ZNF564: variants seen among roughly 807,000 people sequenced by gnomAD.
ZNF564 encodes the protein zinc finger protein 564.
Under a neutral mutation model 10.5 loss-of-function variants are expected in ZNF564, and 5 were observed. That is an observed-to-expected ratio of 0.48 (90% CI 0.25 to 1.00). The LOEUF (loss-of-function observed/expected upper bound fraction) is 1.00, where lower values mean the gene tolerates loss of function less well. Among genes scored for constraint, ZNF564 ranks in the 50% least tolerant of loss-of-function variants. ZNF564 has a pLI of 0.16. For missense variants in ZNF564, 603 were observed against 669.7 expected (o/e 0.90, Z 1.10); for synonymous variants, 242 against 218.1 (o/e 1.11, Z -0.97).
intron 1 of ZNF564, among the ~76,000 whole-genome samples, chr19:12,532,404 A>G (rs1056365369): frequency 5.3e-5 from 8 of 150,614 alleles, no homozygotes; most frequent in African/African-American, 7.3e-5. Flanking sequence ...GCGTGGTAGC[A>G]GGCGCCTGTA....
intron 1 of ZNF564, 62 bp downstream of exon 1, chr19:12,551,268 G>C (rs543002684): frequency 1.3e-6 from 2 of 1,568,084 alleles, no homozygotes; most frequent in East Asian, 2.3e-5. Context: ...TCCACAGCCG[G>C]TTCCGGCCGG....
chr19:12,540,652 C>A lies in ZNF564; in HGVS notation c.3+10678G>T, dbSNP rs143435840. Among the ~76,000 whole-genome samples the A allele has an allele frequency of 3.4e-3, 523 of 152,052 alleles. 1 individual carries two copies. Among genetic ancestry groups the A allele is most frequent in the East Asian group, 0.018 (95 of 5,166 alleles). The stretch of plus-strand genomic sequence containing the variant: ...GGCAGATCACAAAGTCAGGAGATCG[C>A]CACCATCCTGGCTAACATGATGAAA... On this transcript the variant is annotated intron_variant, in intron 1 of 3. Transcript: ENST00000339282.
intron 1 of ZNF564, among the ~76,000 whole-genome samples, chr19:12,546,381 C>CG (rs1370107610): frequency 2.6e-5 from 4 of 152,198 alleles, no homozygotes; most frequent in African/African-American, 4.8e-5. Flanking sequence ...CAGCATACTG[C>CG]GGGGGAAAAA....
rs2021735598 is a variant in ZNF564, at chr19:12,528,420, C to A, written c.131-56G>T. 3.8e-6 allele frequency: 6 copies of A among 1,578,648 alleles called. No homozygotes were observed. In the South Asian group the frequency reaches 5.7e-5, roughly 15 times the overall value. ...ACTGATAGACATTACAGAAAAATGA[C>A]TAGATTCTAAGTTCATGATAAGGTG... is the stretch of plus-strand genomic sequence containing the variant. On this transcript the variant is annotated intron_variant, in intron 2 of 3. Transcript: ENST00000339282.
At chr19:12,540,604 C>A (rs983585200) in intron 1 of ZNF564, among the ~76,000 whole-genome samples, 1 of 152,124 alleles carries the variant, frequency 6.6e-6, no homozygotes, top group South Asian at 2.1e-4. Flanking sequence ...CCTGTAATCC[C>A]AGCACTTTGG....
At chr19:12,535,884 G>A (rs920844232) in intron 1 of ZNF564, among the ~76,000 whole-genome samples, 1 of 151,730 alleles carries the variant, frequency 6.6e-6, no homozygotes, top group African/African-American at 2.4e-5. Flanking sequence ...GGAGTGGTGC[G>A]TGCCTGTAGT....
In ZNF564 at chr19:12,537,451, T is replaced by C. The variant is rs1452310354; in HGVS notation, c.4-8755A>G. Among the ~76,000 whole-genome samples, 9 of 152,120 alleles carry C rather than the reference T, an allele frequency of 5.9e-5. No individual in the cohort carries two copies. The South Asian group carries it at 1.4e-3, about 24-fold the overall frequency. On this transcript the variant is annotated intron_variant, in intron 1 of 3. Coordinates refer to ENST00000339282, the MANE Select transcript of ZNF564 (RefSeq NM_144976.4). ...ATTTAAAGTATATGGAAGACAATGTTTTCTAAGCCGGGCGTGGTGGCTCAC... is the reference window on the plus strand; with the variant it reads ...ATTTAAAGTATATGGAAGACAATGTCTTCTAAGCCGGGCGTGGTGGCTCAC...
intron 1 of ZNF564, among the ~76,000 whole-genome samples, chr19:12,545,960 C>G (rs1009675445): frequency 2.6e-5 from 4 of 152,152 alleles, no homozygotes; most frequent in African/African-American, 9.7e-5. Flanking sequence ...CTGAAAGTAT[C>G]CAGGGGTTCC....
At chr19:12,538,915 C>A (rs1418396686) in intron 1 of ZNF564, among the ~76,000 whole-genome samples, 1 of 152,002 alleles carries the variant, frequency 6.6e-6, no homozygotes, top group African/African-American at 2.4e-5. Flanking sequence ...ATACACTACA[C>A]TAACGCAGTA....
intron 1 of ZNF564, among the ~76,000 whole-genome samples, chr19:12,538,385 G>C (rs985535253): frequency 2.0e-5 from 3 of 151,910 alleles, no homozygotes; most frequent in African/African-American, 7.3e-5. Flanking sequence ...CAGCACTTTG[G>C]GAGGCCAAGG....
chr19:12,546,365 G>C (rs1344366992), intron 1 of ZNF564, among the ~76,000 whole-genome samples: 3 of 152,158 alleles, frequency 2.0e-5, no homozygotes, highest in Non-Finnish European at 4.4e-5. Flanking sequence ...TGGTGTTCCA[G>C]AGAAGCAGCA....
chr19:12,537,461 G>A lies in ZNF564; in HGVS notation c.4-8765C>T, dbSNP rs555748485. On this transcript the variant is annotated intron_variant, in intron 1 of 3. Coordinates refer to ENST00000339282, the MANE Select transcript of ZNF564 (RefSeq NM_144976.4). ...TATGGAAGACAATGTTTTCTAAGCC[G>A]GGCGTGGTGGCTCACGCCTGTAATT... Among the ~76,000 whole-genome samples, 24 of 152,234 alleles carry A rather than the reference G, an allele frequency of 1.6e-4. No homozygotes were observed. The East Asian group carries it at 3.3e-3, about 21-fold the overall frequency.
chr19:12,543,403 G>A (rs998565328), intron 1 of ZNF564, among the ~76,000 whole-genome samples: 1 of 151,426 alleles, frequency 6.6e-6, no homozygotes, highest in African/African-American at 2.4e-5. Flanking sequence ...ATAGCCGGGT[G>A]CAGTGGCTCA....
Position 12,526,555 on chromosome 19 carries a change from C to A in ZNF564, c.1553G>T (p.Ser518Ile). ...AGCTCTTTCATGTCTTTGAAAGGAA[C>A]TGGAATAACTGAACGTTTTTCCACA... is the stretch of plus-strand genomic sequence containing the variant. ...KQCGKTFSYS[S>I]SFQRHERAHN... Residue 518 changes from serine (S) to isoleucine (I), a missense_variant, in exon 4 of 4, where the codon AGT becomes ATT. Coordinates refer to ENST00000339282, the MANE Select transcript of ZNF564 (RefSeq NM_144976.4). 1.2e-6 allele frequency: 2 copies of A among 1,614,116 alleles called. No individual in the cohort carries two copies. Among genetic ancestry groups the A allele is most frequent in the South Asian group, 1.1e-5 (1 of 91,084 alleles).
intron 1 of ZNF564, among the ~76,000 whole-genome samples, chr19:12,536,852 G>A (rs912262908): frequency 6.6e-6 from 1 of 152,134 alleles, no homozygotes; most frequent in African/African-American, 2.4e-5. Context: ...GATTTGGAAT[G>A]AACCTGAAAA....
At position 12,526,561 on chromosome 19, in the gene ZNF564, T is replaced by C; in HGVS notation, c.1547A>G (p.Tyr516Cys). 1 of 1,614,190 alleles carries C rather than the reference T, an allele frequency of 6.2e-7. No individual in the cohort carries two copies. Among genetic ancestry groups the C allele is most frequent in the Non-Finnish European group, 8.5e-7 (1 of 1,180,030 alleles). ...TTCATGTCTTTGAAAGGAACTGGAA[T>C]AACTGAACGTTTTTCCACATTGCTT... The part of the protein sequence containing the change: ...ECKQCGKTFS[Y>C]SSSFQRHERA... The change falls in exon 4 of 4, where the codon TAT (tyrosine) becomes TGT (cysteine). Residue 516 changes from tyrosine (Y) to cysteine (C), a missense_variant. Coordinates refer to ENST00000339282, the MANE Select transcript of ZNF564 (RefSeq NM_144976.4).
intron 1 of ZNF564, chr19:12,548,786 G>C (rs746055397): frequency 1.6e-5 from 11 of 702,124 alleles, no homozygotes; most frequent in Middle Eastern, 2.3e-4. Flanking sequence ...AGTCCCATCT[G>C]ATAGGATTTA....
intron 1 of ZNF564, among the ~76,000 whole-genome samples, chr19:12,539,286 G>A (rs2021987427): frequency 6.6e-6 from 1 of 150,814 alleles, no homozygotes; most frequent in Non-Finnish European, 1.5e-5. Flanking sequence ...AAGGGGCTCT[G>A]TAATAGCTCC....
chr19:12,545,262 CAAA>C (rs534783270), intron 1 of ZNF564, among the ~76,000 whole-genome samples: 2 of 57,402 alleles, frequency 3.5e-5, no homozygotes, highest in African/African-American at 1.0e-4. Context: ...AATTCCGTCT[CAAA>C]AAAAAAAAAA....
Sources: gnomAD v4.1 joint callset for allele counts (sites outside exome capture counted in the v4.1 genomes callset) on GRCh38, gnomAD v4.1.1 for gene constraint, MANE v1.5 for transcripts, NCBI Gene and HGNC (gene_info 2026-07-23, HGNC 2026-07-21) for gene names.